Variants in DNM1L observed in about 807,000 individuals in gnomAD.
DNM1L encodes dynamin-1-like protein.
Under a neutral mutation model 92.8 loss-of-function variants are expected in DNM1L, and 33 were observed. The observed-to-expected ratio is 0.36, with a 90% confidence interval of 0.27 to 0.48. The LOEUF is 0.48. DNM1L is among the 20% of genes least tolerant of loss of function. DNM1L has a pLI of 0.99. For synonymous variants in DNM1L, 284 were observed against 305.0 expected (o/e 0.93, Z 0.72); for missense variants, 485 against 888.8 (o/e 0.55, Z 5.78).
At chr12:32,687,337 C>T (rs1952056048) in intron 1 of DNM1L, among the ~76,000 whole-genome samples, 1 of 151,922 alleles carries the variant, frequency 6.6e-6, no homozygotes, top group Admixed American at 6.6e-5. Context: ...GGGTTCATTT[C>T]ATTTTTTTTG....
chr12:32,684,633 A>G (rs2137211424), intron 1 of DNM1L, among the ~76,000 whole-genome samples: 1 of 152,132 alleles, frequency 6.6e-6, no homozygotes, highest in East Asian at 1.9e-4. Flanking sequence ...CACCCAGCTA[A>G]TTTTTTTGTA....
intron 1 of DNM1L, among the ~76,000 whole-genome samples, chr12:32,696,097 T>C (rs1316621786): frequency 1.3e-5 from 2 of 152,146 alleles, no homozygotes; most frequent in Non-Finnish European, 2.9e-5. Flanking sequence ...AACTAAATTT[T>C]GGAAGAGTAC....
chr12:32,720,913 T>G (rs1027492807), intron 8 of DNM1L, 118 bp downstream of exon 8: 1 of 1,318,312 alleles, frequency 7.6e-7, no homozygotes, highest in Non-Finnish European at 1.1e-6. Context: ...ACTTATGGTT[T>G]CTTATATAGT....
intron 9 of DNM1L, chr12:32,728,771 G>T (rs1954323071): frequency 6.6e-6 from 1 of 152,082 alleles, no homozygotes; most frequent in East Asian, 1.9e-4. Flanking sequence ...AGGCAGGAAG[G>T]GTGTCTAGGA....
chr12:32,689,457 GGGA>G (rs1952147299), intron 1 of DNM1L, among the ~76,000 whole-genome samples: 1 of 152,150 alleles, frequency 6.6e-6, no homozygotes, highest in Non-Finnish European at 1.5e-5. Context: ...CCAAAGTGCT[GGGA>G]TTACAGGCAT....
intron 13 of DNM1L, among the ~76,000 whole-genome samples, chr12:32,735,565 C>CA (rs970142202): frequency 2.0e-5 from 3 of 151,796 alleles, no homozygotes; most frequent in African/African-American, 4.8e-5. Context: ...AAATTTCTGT[C>CA]AAAAAAAATT....
intron 2 of DNM1L, chr12:32,706,839 T>G (rs1397439098): frequency 2.7e-6 from 1 of 369,624 alleles, no homozygotes; most frequent in African/African-American, 2.1e-5. Flanking sequence ...ACCAAATTTT[T>G]AAAAAGAACT....
At chr12:32,701,879 C>G (rs986767587) in intron 2 of DNM1L, among the ~76,000 whole-genome samples, 2 of 151,888 alleles carry the variant, frequency 1.3e-5, no homozygotes, top group South Asian at 4.2e-4. Context: ...AGGCGCCCCC[C>G]ACCATGCCCA....
At position 32,731,259 on chromosome 12, in the gene DNM1L, C is replaced by G. The variant is rs376278372; in HGVS notation, c.1201-97C>G. The G allele has an allele frequency of 5.3e-4, 625 of 1,189,986 alleles. No individual in the cohort carries two copies. The highest frequency in any genetic ancestry group is 6.8e-4 in the Non-Finnish European group (590 of 863,472). The allele number at this position is 1,189,986 out of a possible 1,614,324, so 73.7% of individuals were successfully genotyped here. A position where few individuals can be genotyped will look rare whatever the true frequency, so the allele number is the denominator to read the frequency against. ...TGCTCTCATATTTGAAATTAAAAAG[C>G]ATTTTTCATGAAAAGTACCAAAAAT... On this transcript the variant is annotated intron_variant, in intron 10 of 19. Coordinates refer to ENST00000549701, the MANE Select transcript of DNM1L (RefSeq NM_012062.5). This position sits in a 1 kb window ranked among gnomAD's most constrained non-coding sequence, Gnocchi z 5.1.
chr12:32,718,807 G>T (rs1457792261), intron 7 of DNM1L, 44 bp downstream of exon 7: 5 of 1,610,080 alleles, frequency 3.1e-6, no homozygotes, highest in Non-Finnish European at 4.2e-6. Context: ...AGCATTCTTA[G>T]AATGGGATAA....
intron 7 of DNM1L, 109 bp from the exon 8 acceptor site, chr12:32,720,554 TA>T: frequency 1.4e-6 from 2 of 1,478,096 alleles, no homozygotes; most frequent in Admixed American, 1.7e-5. Context: ...GAGAATTAAA[TA>T]AAACAGTCCC....
At chr12:32,725,066 A>C (rs1954042327) in intron 9 of DNM1L, among the ~76,000 whole-genome samples, 2 of 149,392 alleles carry the variant, frequency 1.3e-5, no homozygotes, top group Admixed American at 6.7e-5. Context: ...GCATCGTATC[A>C]CTGAAGATTT....
chr12:32,742,351 G>A (rs1044379158), intron 18 of DNM1L, among the ~76,000 whole-genome samples: 2 of 152,116 alleles, frequency 1.3e-5, no homozygotes, highest in African/African-American at 4.8e-5. Context: ...CAGTCCACCC[G>A]CGTCAGCCTC....
rs145298915 is a variant in DNM1L, at chr12:32,689,732, G to A, written c.102+10267G>A. Among the ~76,000 whole-genome samples the A allele has an allele frequency of 7.4e-4, 112 of 152,280 alleles. No individual in the cohort carries two copies. The East Asian group carries it at 8.5e-3, about 12-fold the overall frequency. On this transcript the variant is annotated intron_variant, in intron 1 of 19. Transcript: ENST00000549701. ...GAAGTTGAATAAGGGATCAGCTTTG[G>A]TTAATGTGGTATGAATGAACATTAT...
chr12:32,696,216 C>T (rs1952441276), intron 1 of DNM1L, among the ~76,000 whole-genome samples: 1 of 152,064 alleles, frequency 6.6e-6, no homozygotes, highest in South Asian at 2.1e-4. Context: ...AGGCAGAAGT[C>T]ACAAAGTCTC....
intron 6 of DNM1L, among the ~76,000 whole-genome samples, chr12:32,717,002 G>C (rs1953410495): frequency 7.0e-6 from 1 of 143,494 alleles, no homozygotes; most frequent in Non-Finnish European, 1.5e-5. Context: ...CAACGTGTGA[G>C]AGTTCCAACT....
chr12:32,714,868 C>T (rs927887007), intron 6 of DNM1L, among the ~76,000 whole-genome samples: 6 of 151,122 alleles, frequency 4.0e-5, no homozygotes, highest in Non-Finnish European at 8.8e-5. Context: ...GGTATGGTGG[C>T]ACTGGGCTGT....
chr12:32,731,760 T>C lies in DNM1L; in HGVS notation c.1357-94T>C, dbSNP rs1592664058. ...GGCTTCTACATGTAGTCTCAGCTAC[T>C]TGGGAGGCTAAGGTGGGAGGATGGC... On this transcript the variant is annotated intron_variant, in intron 11 of 19. Coordinates refer to ENST00000549701, the MANE Select transcript of DNM1L (RefSeq NM_012062.5). This position sits in a 1 kb window ranked among gnomAD's most constrained non-coding sequence, Gnocchi z 5.1. 3 of 1,118,288 alleles carry C rather than the reference T, an allele frequency of 2.7e-6. No homozygotes were observed. The Admixed American group carries it at 5.5e-5, about 21-fold the overall frequency. The allele number at this position is 1,118,288 out of a possible 1,614,324, so 69.3% of individuals were successfully genotyped here.
chr12:32,693,971 A>G (rs1000096970), intron 1 of DNM1L, among the ~76,000 whole-genome samples: 2 of 151,964 alleles, frequency 1.3e-5, no homozygotes, highest in African/African-American at 4.8e-5. Flanking sequence ...TTTAGAATAT[A>G]CCATCATTCT....
Sources: gnomAD v4.1 joint callset for allele counts (sites outside exome capture counted in the v4.1 genomes callset) on GRCh38, gnomAD v4.1.1 for gene constraint, Gnocchi (gnomAD v3.1) non-coding constraint, MANE v1.5 for transcripts, NCBI Gene and HGNC (gene_info 2026-07-23, HGNC 2026-07-21) for gene names.